The following GFRA2 variants were observed in gnomAD, a reference collection of about 807,000 sequenced individuals.
The protein encoded by GFRA2 is GDNF family receptor alpha-2.
In GFRA2, 17 loss-of-function variants were observed where a neutral mutation model predicts 48.3. The ratio of observed to expected loss-of-function variants is 0.35; its 90% CI spans 0.24 to 0.53. The LOEUF is 0.53. Ranked by LOEUF, GFRA2 falls within the 20% of genes least tolerant of loss-of-function variation. GFRA2 has a pLI of 0.93. For synonymous variants in GFRA2, 305 were observed against 257.2 expected, an observed-to-expected ratio of 1.19 and a Z score of -1.78; for missense variants, 660 against 637.3, an observed-to-expected ratio of 1.04 and a Z score of -0.38.
chr8:21,699,412 G>C (rs960168730), intron 7 of GFRA2, among the ~76,000 whole-genome samples: 26 of 152,222 alleles, frequency 1.7e-4, no homozygotes, highest in Admixed American at 6.5e-4. Context: ...AGGTGGGCAG[G>C]TGGAGATGGG....
At chr8:21,709,382 A>T (rs1438146904) in intron 4 of GFRA2, among the ~76,000 whole-genome samples, 1 of 152,204 alleles carries the variant, frequency 6.6e-6, no homozygotes, top group Admixed American at 6.5e-5. Context: ...GGTTTTTCCA[A>T]CTAGAACACA....
At chr8:21,703,086 C>T (rs1264019981) in intron 6 of GFRA2, 109 bp from the exon 7 acceptor site, 1 of 669,384 alleles carries the variant, frequency 1.5e-6, no homozygotes, top group East Asian at 3.2e-5. Context: ...TGGAATGGTC[C>T]AGAAGCCAGG....
At chr8:21,736,765 T>C (rs1804484339) in intron 4 of GFRA2, among the ~76,000 whole-genome samples, 1 of 152,162 alleles carries the variant, frequency 6.6e-6, no homozygotes, top group Non-Finnish European at 1.5e-5. Context: ...GTGCTGGCAT[T>C]ACTGGCATGA....
intron 4 of GFRA2, among the ~76,000 whole-genome samples, chr8:21,734,616 C>T (rs1210705448): frequency 2.0e-5 from 3 of 152,246 alleles, no homozygotes; most frequent in African/African-American, 4.8e-5. Flanking sequence ...AGGTTTTTGA[C>T]TCACTGTCCA....
chr8:21,762,670 T>G (rs1805970905), intron 3 of GFRA2, among the ~76,000 whole-genome samples: 1 of 152,234 alleles, frequency 6.6e-6, no homozygotes, highest in East Asian at 1.9e-4. Context: ...ACACTTAAAT[T>G]TCTTTCTCCA....
intron 4 of GFRA2, among the ~76,000 whole-genome samples, chr8:21,746,656 C>T (rs1805019737): frequency 6.6e-6 from 1 of 152,120 alleles, no homozygotes; most frequent in South Asian, 2.1e-4. Flanking sequence ...ACCTCAGAAA[C>T]TGTCAGCCCT....
intron 7 of GFRA2, among the ~76,000 whole-genome samples, chr8:21,700,444 G>A (rs892605043): frequency 3.9e-5 from 6 of 152,290 alleles, no homozygotes; most frequent in Non-Finnish European, 5.9e-5. Context: ...CTGTGGTGGC[G>A]TCCAAGACTC....
intron 4 of GFRA2, among the ~76,000 whole-genome samples, chr8:21,736,780 C>T (rs1435988073): frequency 6.6e-6 from 1 of 152,050 alleles, no homozygotes; most frequent in Non-Finnish European, 1.5e-5. Flanking sequence ...GCATGAGCTA[C>T]TGTGCTCTGT....
At chr8:21,758,841 C>T (rs1285371274) in intron 3 of GFRA2, among the ~76,000 whole-genome samples, 1 of 152,038 alleles carries the variant, frequency 6.6e-6, no homozygotes, top group Non-Finnish European at 1.5e-5. Flanking sequence ...TAAAAGGAGC[C>T]CACTCTGGTA....
chr8:21,750,656 G>A lies in GFRA2; in HGVS notation c.726C>T (p.Ser242=). 6.2e-7 allele frequency: 1 copy of A among 1,613,830 alleles called. No individual in the cohort carries two copies. The highest frequency in any genetic ancestry group is 8.5e-7 in the Non-Finnish European group (1 of 1,179,792). Residue 242 remains serine, a synonymous_variant, in exon 4 of 9, where the codon TCC becomes TCT. Transcript: ENST00000524240. The surrounding 1 kb of genome is among the most constrained non-coding windows in gnomAD (Gnocchi z 5.7). The part of the protein sequence containing the change: ...RRRQTILPSC[S]YEDKEKPNCL... ...AGTTGGGCTTCTCCTTGTCCTCATA[G>A]GAGCAGCTGGGCAGGATGGTTTGCC...
intron 4 of GFRA2, among the ~76,000 whole-genome samples, chr8:21,734,433 A>G (rs1430520238): frequency 6.6e-6 from 1 of 152,268 alleles, no homozygotes; most frequent in African/African-American, 2.4e-5. Context: ...CAGCAGAGGC[A>G]CTGGGAAACA....
rs762225513 is a variant in GFRA2 at position 21,750,269 on chromosome 8, T to C, written c.794+319A>G. Among the ~76,000 whole-genome samples, 3 of 152,180 alleles carry C rather than the reference T, an allele frequency of 2.0e-5. No individual in the cohort carries two copies. The highest frequency in any genetic ancestry group is 4.4e-5 in the Non-Finnish European group (3 of 68,032). On this transcript the variant is annotated intron_variant, in intron 4 of 8. Transcript: ENST00000524240. The surrounding 1 kb of genome is among the most constrained non-coding windows in gnomAD (Gnocchi z 5.7). The stretch of plus-strand genomic sequence containing the variant: ...CTCTCATTCCAAGACTCAAGGAGTC[T>C]GTGGTTTTAAATTATAAGCTCCTTG...
intron 4 of GFRA2, among the ~76,000 whole-genome samples, chr8:21,745,544 C>T (rs1394439498): frequency 6.6e-6 from 1 of 152,224 alleles, no homozygotes; most frequent in Non-Finnish European, 1.5e-5. Flanking sequence ...TGGCATTGGG[C>T]TCTCCCATTT....
At chr8:21,775,989 CTGTGTGTGTGTGTGTGTGTGTG>C (rs200687629) in intron 2 of GFRA2, among the ~76,000 whole-genome samples, 5,251 of 126,466 alleles carry the variant, frequency 0.042, 312 homozygotes, top group African/African-American at 0.16. Context: ...CACTCATCCT[CTGTGTGTGTGTGTGTGTGTGTG>C]TGTGTGTGTG....
intron 3 of GFRA2, among the ~76,000 whole-genome samples, chr8:21,752,483 C>G (rs1359557706): frequency 1.3e-5 from 2 of 152,146 alleles, no homozygotes; most frequent in African/African-American, 2.4e-5. Context: ...CCTCCTCAGC[C>G]TGCTTTGCTG....
rs534512297 is a variant in GFRA2 at position 21,706,941 on chromosome 8, T to C, written c.795-900A>G. ...TTCCTCTTCCTCCTGCCCTGGGCCC[T>C]GGCCAGGAATGTTACCAACAGCCTG... is the stretch of plus-strand genomic sequence containing the variant. On this transcript the variant is annotated intron_variant, in intron 4 of 8. Coordinates refer to ENST00000524240, the MANE Select transcript of GFRA2 (RefSeq NM_001495.5). 1.2e-4 allele frequency among the ~76,000 whole-genome samples: 19 copies of C among 152,304 alleles called. No individual in the cohort carries two copies. The East Asian group carries it at 3.3e-3, about 26-fold the overall frequency.
intron 6 of GFRA2, among the ~76,000 whole-genome samples, chr8:21,704,386 G>A (rs752331044): frequency 4.4e-4 from 67 of 152,180 alleles, no homozygotes; most frequent in Non-Finnish European, 6.5e-4. Context: ...GTCTACCTCC[G>A]TCAGGCACCT....
intron 4 of GFRA2, among the ~76,000 whole-genome samples, chr8:21,744,023 C>T (rs1344903426): frequency 6.6e-6 from 1 of 152,162 alleles, no homozygotes; most frequent in African/African-American, 2.4e-5. Flanking sequence ...CCACGTAACC[C>T]CGTGCAAGTA....
At chr8:21,779,796 C>A (rs1195364940) in intron 2 of GFRA2, 2 of 152,132 alleles carry the variant, frequency 1.3e-5, no homozygotes, top group Middle Eastern at 3.2e-3. Context: ...AGAACATATT[C>A]GAGCCATCTC....
Sources: allele counts gnomAD v4.1 joint callset (sites outside exome capture counted in the v4.1 genomes callset), GRCh38; gene constraint gnomAD v4.1.1; non-coding constraint Gnocchi (gnomAD v3.1); transcripts MANE v1.5; gene names NCBI Gene and HGNC (gene_info 2026-07-23, HGNC 2026-07-21).